Variants in ATXN7 observed in about 807,000 individuals in gnomAD.
ATXN7 encodes the protein ataxin 7.
ATXN7 carries 12 observed loss-of-function variants against 70.5 expected under a neutral mutation model. The observed-to-expected ratio is 0.17, with a 90% CI of 0.11 to 0.28. The LOEUF is 0.28. ATXN7 is among the 10% of genes least tolerant of loss of function. The pLI, the probability that ATXN7 is intolerant of heterozygous loss-of-function variation, is 1.00. For missense variants in ATXN7, 1,256 were observed against 1,131.7 expected (o/e 1.11, Z -1.58); for synonymous variants, 498 against 448.7 (o/e 1.11, Z -1.39).
intron 4 of ATXN7, among the ~76,000 whole-genome samples, chr3:63,919,890 T>C (rs1340321020): frequency 6.6e-6 from 1 of 151,498 alleles, no homozygotes; most frequent in African/African-American, 2.4e-5. Flanking sequence ...ATGGTGCTTG[T>C]GTTCTGTTAA....
chr3:63,890,668 C>T (rs535931583), intron 1 of ATXN7, among the ~76,000 whole-genome samples: 6 of 152,262 alleles, frequency 3.9e-5, no homozygotes, highest in African/African-American at 1.4e-4. Context: ...TAAATTGTAG[C>T]GGTTGCTGTT....
intron 4 of ATXN7, 123 bp from the exon 5 acceptor site, chr3:63,952,256 C>T: frequency 1.8e-6 from 1 of 569,192 alleles, no homozygotes; most frequent in Non-Finnish European, 3.1e-6. Flanking sequence ...TGGTGTACCA[C>T]ATCAGTTCAT....
chr3:63,950,447 ACTG>A (rs1364502167), intron 4 of ATXN7, among the ~76,000 whole-genome samples: 1 of 152,174 alleles, frequency 6.6e-6, no homozygotes, highest in Non-Finnish European at 1.5e-5. Context: ...TACTGTTTTA[ACTG>A]CTATCTAATA....
intron 2 of ATXN7, among the ~76,000 whole-genome samples, chr3:63,907,834 C>T (rs1321309834): frequency 1.3e-5 from 2 of 152,078 alleles, no homozygotes; most frequent in East Asian, 1.9e-4. Context: ...AAATCAAGTT[C>T]GTCATAAAAT....
At chr3:63,880,211 A>C (rs1397602803) in intron 1 of ATXN7, among the ~76,000 whole-genome samples, 1 of 152,194 alleles carries the variant, frequency 6.6e-6, no homozygotes, top group African/African-American at 2.4e-5. Flanking sequence ...ATGAATGGTG[A>C]AAAGAGGTCC....
At chr3:63,936,243 A>G (rs148773142) in intron 4 of ATXN7, among the ~76,000 whole-genome samples, 31 of 152,240 alleles carry the variant, frequency 2.0e-4, no homozygotes, top group African/African-American at 7.5e-4. Context: ...TCCGGTATTT[A>G]ATTATATGGA....
intron 1 of ATXN7, among the ~76,000 whole-genome samples, chr3:63,893,422 G>A (rs1703345978): frequency 6.6e-6 from 1 of 152,210 alleles, no homozygotes; most frequent in South Asian, 2.1e-4. Flanking sequence ...CCTCAGTGAA[G>A]CCTGGGAGAG....
At chr3:63,999,182 G>A in intron 12 of ATXN7, 1 of 405,726 alleles carries the variant, frequency 2.5e-6, no homozygotes, top group Non-Finnish European at 4.5e-6. Flanking sequence ...AAACATAAGA[G>A]CCTTTTCTCT....
rs1325249857 is a variant in ATXN7 at position 64,001,096 on chromosome 3, TCAA to T, written c.*1635_*1637del. The T allele has an allele frequency of 1.3e-5, 2 of 152,116 alleles. No homozygotes were observed. The highest frequency in any genetic ancestry group is 2.9e-5 in the Non-Finnish European group (2 of 68,036). 9.4% of individuals were successfully genotyped at this position (152,116 alleles called of 1,614,324 possible). On this transcript the variant is annotated 3_prime_UTR_variant, in exon 13 of 13. Coordinates refer to ENST00000674280, the MANE Select transcript of ATXN7 (RefSeq NM_001377405.1). ...AACTTCAGTTTCAGGGAATTTCAAG[TCAA>T]CAACAGGTAGAATGAATAAACTTGG...
At chr3:63,894,215 A>G (rs1435254077) in intron 1 of ATXN7, among the ~76,000 whole-genome samples, 1 of 152,228 alleles carries the variant, frequency 6.6e-6, no homozygotes, top group African/African-American at 2.4e-5. Flanking sequence ...AGCTTCATTC[A>G]GTTATCCCCC....
intron 12 of ATXN7, chr3:63,997,920 G>A: frequency 6.1e-6 from 6 of 985,290 alleles, no homozygotes; most frequent in Non-Finnish European, 7.2e-6. Flanking sequence ...TATGTTGTTT[G>A]GCATTCTGAT....
intron 6 of ATXN7, among the ~76,000 whole-genome samples, chr3:63,980,933 A>G (rs780011891): frequency 2.0e-5 from 3 of 152,190 alleles, no homozygotes; most frequent in Non-Finnish European, 2.9e-5. Context: ...GCAAGTTTCC[A>G]TGGTCACTCA....
At chr3:63,948,865 A>G (rs1054859925) in intron 4 of ATXN7, among the ~76,000 whole-genome samples, 1 of 152,226 alleles carries the variant, frequency 6.6e-6, no homozygotes, top group African/African-American at 2.4e-5. Flanking sequence ...GGCTTACACA[A>G]CAATAAAATC....
Position 63,996,348 on chromosome 3 carries a change from C to T in ATXN7, c.2526C>T (p.Ser842=). The stretch of plus-strand genomic sequence containing the variant: ...GAAAGAAAAGAAAGTGCTCACCCAG[C>T]TCGAGCAGCATCAACAACAGCAGCA... ...LIGKKRKCSP[S]SSSINNSSSK... Residue 842 remains serine, a synonymous_variant, in exon 12 of 13, where the codon AGC becomes AGT. Transcript: ENST00000674280. The T allele has an allele frequency of 1.2e-6, 2 of 1,614,164 alleles. No homozygotes were observed. Among genetic ancestry groups the T allele is most frequent in the East Asian group, 2.2e-5 (1 of 44,862 alleles).
At chr3:63,880,457 C>T (rs957378004) in intron 1 of ATXN7, among the ~76,000 whole-genome samples, 7 of 152,150 alleles carry the variant, frequency 4.6e-5, no homozygotes, top group Admixed American at 2.0e-4. Flanking sequence ...TAAGGGCAGC[C>T]AGTCTTTTGG....
chr3:63,927,405 T>C (rs1370559996), intron 4 of ATXN7, among the ~76,000 whole-genome samples: 1 of 152,194 alleles, frequency 6.6e-6, no homozygotes, highest in Non-Finnish European at 1.5e-5. Context: ...ACATAGGTCT[T>C]GGCTAATTTG....
intron 5 of ATXN7, among the ~76,000 whole-genome samples, chr3:63,970,136 A>G (rs570565104): frequency 6.6e-6 from 1 of 152,304 alleles, no homozygotes; most frequent in Non-Finnish European, 1.5e-5. Context: ...ATTGTGTGGT[A>G]TCTGTAGTCA....
intron 5 of ATXN7, among the ~76,000 whole-genome samples, chr3:63,968,841 C>T (rs1401630329): frequency 2.6e-5 from 4 of 152,152 alleles, no homozygotes; most frequent in Non-Finnish European, 4.4e-5. Flanking sequence ...TCAGGGGATT[C>T]AGATTTCATG....
intron 4 of ATXN7, among the ~76,000 whole-genome samples, chr3:63,925,815 G>A (rs995383909): frequency 6.6e-6 from 1 of 152,200 alleles, no homozygotes; most frequent in African/African-American, 2.4e-5. Flanking sequence ...GAGTTGGAGA[G>A]TTAGCCAGTC....
Sources: allele counts gnomAD v4.1 joint callset (sites outside exome capture counted in the v4.1 genomes callset), GRCh38; gene constraint gnomAD v4.1.1; transcripts MANE v1.5; gene names NCBI Gene and HGNC (gene_info 2026-07-23, HGNC 2026-07-21).